The following LAMC3 variants were observed in gnomAD, a reference collection of about 807,000 sequenced individuals.
LAMC3 encodes the protein laminin subunit gamma-3.
LAMC3 carries 128 observed loss-of-function variants against 173.8 expected under a neutral mutation model. The observed-to-expected ratio is 0.74, with a 90% CI of 0.64 to 0.85. The LOEUF is 0.85. LAMC3 is among the 40% of genes least tolerant of loss of function. LAMC3 has a pLI of 0.00. For synonymous variants in LAMC3, 897 were observed against 909.1 expected, an observed-to-expected ratio of 0.99 and a Z score of 0.24; for missense variants, 2,022 against 2,156.0, an observed-to-expected ratio of 0.94 and a Z score of 1.23.
intron 1 of LAMC3, among the ~76,000 whole-genome samples, chr9:131,015,477 TGAATCATAGTC>T (rs1833504117): frequency 6.6e-6 from 1 of 152,126 alleles, no homozygotes; most frequent in African/African-American, 2.4e-5. Context: ...TTTGCTTATT[TGAATCATAGTC>T]GACATCCAGG....
chr9:131,069,140 C>T, intron 16 of LAMC3, 90 bp downstream of exon 16: 2 of 1,420,920 alleles, frequency 1.4e-6, no homozygotes, highest in Non-Finnish European at 2.0e-6. Context: ...ATGGGCGCAG[C>T]AGGAAAGGAT....
chr9:131,063,612 C>T (rs1397335605), intron 13 of LAMC3, among the ~76,000 whole-genome samples: 1 of 152,196 alleles, frequency 6.6e-6, no homozygotes, highest in African/African-American at 2.4e-5. Context: ...TCCTGATGCT[C>T]ACTTGTCCTG....
chr9:131,039,600 G>A (rs1267989571), intron 6 of LAMC3, among the ~76,000 whole-genome samples: 1 of 148,214 alleles, frequency 6.7e-6, no homozygotes, highest in African/African-American at 2.6e-5. Context: ...AGAAGCAGGA[G>A]TGGGTGAGGG....
intron 27 of LAMC3, 137 bp downstream of exon 27, chr9:131,087,954 T>C (rs1172781536): frequency 3.9e-6 from 3 of 765,462 alleles, no homozygotes; most frequent in African/African-American, 3.4e-5. Flanking sequence ...ATCTTTGTGG[T>C]CAATCACAAG....
At position 131,068,118 on chromosome 9, in the gene LAMC3, G is replaced by A; in HGVS notation, c.2634G>A (p.Met878Ile). 2 of 1,612,838 alleles carry A rather than the reference G, an allele frequency of 1.2e-6. No individual in the cohort carries two copies. Among genetic ancestry groups the A allele is most frequent in the Non-Finnish European group, 1.7e-6 (2 of 1,180,024 alleles). The change falls in exon 15 of 28, where the codon ATG becomes ATA. Residue 878 changes from methionine (M) to isoleucine (I), a missense_variant. Physicochemically the swap from Met to Ile is conservative, Grantham distance 10. Coordinates refer to ENST00000361069, the MANE Select transcript of LAMC3 (RefSeq NM_006059.4). The part of the protein sequence containing the change: ...CHPQGSVSEQ[M>I]PCDPVTGQCS... ...CACAGGGCTCGGTCAGTGAGCAGAT[G>A]CCCTGCGACCCAGTGACAGGCCAAT...
intron 27 of LAMC3, among the ~76,000 whole-genome samples, chr9:131,090,617 A>G (rs928585818): frequency 3.3e-5 from 5 of 152,226 alleles, no homozygotes; most frequent in Admixed American, 3.3e-4. Flanking sequence ...GGGGCTGGGC[A>G]TGGTGGCTCA....
At chr9:131,046,930 A>C (rs1440844419) in intron 8 of LAMC3, among the ~76,000 whole-genome samples, 1 of 152,068 alleles carries the variant, frequency 6.6e-6, no homozygotes, top group African/African-American at 2.4e-5. Flanking sequence ...GCCGCGCAGA[A>C]AGCAGGACCG....
At chr9:131,065,105 C>A (rs1020517531) in intron 13 of LAMC3, among the ~76,000 whole-genome samples, 2 of 151,628 alleles carry the variant, frequency 1.3e-5, no homozygotes, top group Non-Finnish European at 2.9e-5. Context: ...ATTCTTGTCA[C>A]CTCCAGGGGA....
At chr9:131,052,467 A>G (rs371927585) in intron 9 of LAMC3, 24 bp from the exon 10 acceptor site, 22 of 1,598,254 alleles carry the variant, frequency 1.4e-5, no homozygotes, top group Non-Finnish European at 1.9e-5. Context: ...GAAGACTGTC[A>G]AAGCCTTCTT....
intron 17 of LAMC3, 59 bp downstream of exon 17, chr9:131,069,909 GCT>G (rs1161852348): frequency 4.0e-6 from 6 of 1,508,304 alleles, no homozygotes; most frequent in Non-Finnish European, 5.4e-6. Context: ...GCAAGTGCCA[GCT>G]CTATGCCGGG....
At position 131,052,719 on chromosome 9, in the gene LAMC3, T is replaced by G. The variant is rs73550472; in HGVS notation, c.1823+36T>G. ...CCTTCTGTCCTGAGAGATGGGGAGG[T>G]GAGAGGGGTGGTCTCTGAGGTCCGG... On this transcript the variant is annotated intron_variant, in intron 10 of 27. Coordinates refer to ENST00000361069, the MANE Select transcript of LAMC3 (RefSeq NM_006059.4). 6,117 of 1,579,154 alleles carry G rather than the reference T, an allele frequency of 3.9e-3. 162 individuals are homozygous for G. The African/African-American group carries it at 0.063, about 16-fold the overall frequency.
At chr9:131,021,880 C>G (rs1458392915) in intron 1 of LAMC3, among the ~76,000 whole-genome samples, 5 of 152,170 alleles carry the variant, frequency 3.3e-5, no homozygotes, top group Non-Finnish European at 4.4e-5. Context: ...AAGAGATGAG[C>G]AGGGTGAGGA....
At chr9:131,083,053 A>G (rs1478172730) in intron 24 of LAMC3, among the ~76,000 whole-genome samples, 2 of 152,216 alleles carry the variant, frequency 1.3e-5, no homozygotes, top group Non-Finnish European at 2.9e-5. Flanking sequence ...GTGCTTAAGT[A>G]TCTAGAGTCA....
chr9:131,085,739 G>T lies in LAMC3; in HGVS notation c.4230+16G>T. On this transcript the variant is annotated intron_variant, in intron 25 of 27. Transcript: ENST00000361069. The stretch of plus-strand genomic sequence containing the variant: ...CAGTGCCAAGGTCAGGGTGGTGGCT[G>T]TGACAACAGTGGCCTCCTTCCCTCC... The T allele has an allele frequency of 6.2e-7, 1 of 1,613,060 alleles. No individual in the cohort carries two copies. Among genetic ancestry groups the T allele is most frequent in the Non-Finnish European group, 8.5e-7 (1 of 1,179,060 alleles).
rs906457644 is a variant in LAMC3, at chr9:131,077,348, T to C, written c.3777+14T>C. On this transcript the variant is annotated intron_variant, in intron 22 of 27. Coordinates refer to ENST00000361069, the MANE Select transcript of LAMC3 (RefSeq NM_006059.4). The stretch of plus-strand genomic sequence containing the variant: ...CCGGGAGCTCTGGTCAGCTCAGTTG[T>C]CTCAGAGCTCCGTGTGGGGTCGGGA... The C allele has an allele frequency of 7.4e-6, 12 of 1,613,182 alleles. No homozygotes were observed. Among genetic ancestry groups the C allele is most frequent in the African/African-American group, 1.3e-5 (1 of 74,924 alleles).
At chr9:131,071,400 T>C in intron 17 of LAMC3, 84 bp from the exon 18 acceptor site, 1 of 1,504,690 alleles carries the variant, frequency 6.6e-7, no homozygotes, top group Non-Finnish European at 9.1e-7. Context: ...CCAGGGAGAG[T>C]GGCAGGGTAG....
At chr9:131,068,435 A>G (rs1294044923) in intron 15 of LAMC3, among the ~76,000 whole-genome samples, 1 of 152,176 alleles carries the variant, frequency 6.6e-6, no homozygotes, top group Non-Finnish European at 1.5e-5. Flanking sequence ...GCAGGCCAAG[A>G]GCAGCCCTAA....
At chr9:131,061,327 C>T in intron 13 of LAMC3, 104 bp downstream of exon 13, 1 of 985,736 alleles carries the variant, frequency 1.0e-6, no homozygotes, top group Non-Finnish European at 1.5e-6. Context: ...TAGGGTGTGG[C>T]AGGTGAGGGA....
chr9:131,015,268 C>T (rs906146566), intron 1 of LAMC3, among the ~76,000 whole-genome samples: 37 of 152,254 alleles, frequency 2.4e-4, no homozygotes, highest in African/African-American at 8.7e-4. Context: ...GATGAAGGGC[C>T]CCCAGCCTTG....
Sources: gnomAD v4.1 joint callset for allele counts (sites outside exome capture counted in the v4.1 genomes callset) on GRCh38, gnomAD v4.1.1 for gene constraint, MANE v1.5 for transcripts, NCBI Gene and HGNC (gene_info 2026-07-23, HGNC 2026-07-21) for gene names.